Variants in CTNNA3 observed in about 807,000 individuals in gnomAD.
CTNNA3 encodes the protein catenin alpha 3.
A neutral mutation model predicts 95.7 loss-of-function variants in CTNNA3; 76 were observed. That is an observed-to-expected ratio of 0.79 (90% CI 0.66 to 0.96). The LOEUF (loss-of-function observed/expected upper bound fraction) is 0.96, where lower values mean the gene tolerates loss of function less well. Among genes scored for constraint, CTNNA3 ranks in the 40% least tolerant of loss-of-function variants. The probability of loss-of-function intolerance (pLI) is 0.00; values close to 1 mark genes in which losing one functional copy is unlikely to be tolerated. For missense variants in CTNNA3, 1,191 were observed against 1,089.8 expected, an observed-to-expected ratio of 1.09 and a Z score of -1.31; for synonymous variants, 431 against 374.4, an observed-to-expected ratio of 1.15 and a Z score of -1.74.
intron 5 of CTNNA3, among the ~76,000 whole-genome samples, chr10:67,260,668 T>C (rs1382970210): frequency 6.9e-6 from 1 of 145,240 alleles, no homozygotes; most frequent in African/African-American, 2.8e-5. Context: ...TTTCACTGTT[T>C]TGTTTTGTTT....
At chr10:66,274,401 A>G (rs772883189) in intron 13 of CTNNA3, among the ~76,000 whole-genome samples, 40 of 152,294 alleles carry the variant, frequency 2.6e-4, no homozygotes, top group Non-Finnish European at 5.4e-4. Context: ...AAAATATGCC[A>G]CCTGCTGATC....
intron 5 of CTNNA3, among the ~76,000 whole-genome samples, chr10:67,235,001 A>G (rs897061052): frequency 1.3e-5 from 2 of 149,998 alleles, no homozygotes; most frequent in Admixed American, 6.6e-5. Context: ...CCACTGCTCA[A>G]TGAAATAAAA....
chr10:66,928,417 T>A, intron 7 of CTNNA3: 1 of 1,612,966 alleles, frequency 6.2e-7, no homozygotes, highest in Non-Finnish European at 8.5e-7. Context: ...GACGGGACCC[T>A]GCACCTATAA....
At chr10:67,362,101 C>G (rs1389436592) in intron 5 of CTNNA3, among the ~76,000 whole-genome samples, 1 of 151,906 alleles carries the variant, frequency 6.6e-6, no homozygotes, top group East Asian at 1.9e-4. Context: ...TGATCAATAA[C>G]AAGTTCCAAA....
intron 7 of CTNNA3, among the ~76,000 whole-genome samples, chr10:67,100,162 C>T (rs1326085509): frequency 6.6e-6 from 1 of 151,656 alleles, no homozygotes; most frequent in Non-Finnish European, 1.5e-5. Context: ...AGGAGTCTTA[C>T]AAGTGTATGC....
chr10:65,966,201 TA>T (rs1029288148), intron 17 of CTNNA3, among the ~76,000 whole-genome samples: 2 of 152,094 alleles, frequency 1.3e-5, no homozygotes, highest in Admixed American at 1.3e-4. Context: ...TAAAAAGAAA[TA>T]GGGGGAAAAT....
At chr10:67,537,048 T>C (rs1350242647) in intron 4 of CTNNA3, among the ~76,000 whole-genome samples, 3 of 152,184 alleles carry the variant, frequency 2.0e-5, no homozygotes, top group Non-Finnish European at 4.4e-5. Flanking sequence ...AAGATGCCAC[T>C]TCCTTTTTCA....
chr10:66,428,189 AC>A (rs1407621816), intron 11 of CTNNA3, among the ~76,000 whole-genome samples: 1 of 152,212 alleles, frequency 6.6e-6, no homozygotes, highest in Non-Finnish European at 1.5e-5. Context: ...AATCAATTCA[AC>A]AAGAAGAGCT....
Position 66,913,183 on chromosome 10 carries a change from G to A in CTNNA3, c.1048-137659C>T, listed in dbSNP as rs1414295154. Among the ~76,000 whole-genome samples, 5 of 128,522 alleles carry A rather than the reference G, an allele frequency of 3.9e-5. 1 individual carries two copies. Among genetic ancestry groups the A allele is most frequent in the Admixed American group, 2.9e-4 (3 of 10,238 alleles). 84.3% of individuals were successfully genotyped at this position (128,522 alleles called of 152,430 possible). ...GAACCCGGGAGGCGGAGCTTGCAGT[G>A]AGCCGAGATCGCGCCACTGCAGTCC... On this transcript the variant is annotated intron_variant, in intron 7 of 17. Coordinates refer to ENST00000433211, the MANE Select transcript of CTNNA3 (RefSeq NM_013266.4).
At chr10:66,070,746 A>G (rs1159997519) in intron 14 of CTNNA3, among the ~76,000 whole-genome samples, 1 of 152,140 alleles carries the variant, frequency 6.6e-6, no homozygotes, top group Non-Finnish European at 1.5e-5. Context: ...AAATGACAGT[A>G]ATTGCAACTG....
At chr10:66,842,418 G>C (rs553992371) in intron 7 of CTNNA3, among the ~76,000 whole-genome samples, 1 of 152,300 alleles carries the variant, frequency 6.6e-6, no homozygotes, top group South Asian at 2.1e-4. Flanking sequence ...TAACTGCCTC[G>C]TATTGAGAAG....
At chr10:66,958,308 CAA>C (rs35076056) in intron 7 of CTNNA3, among the ~76,000 whole-genome samples, 2,304 of 86,652 alleles carry the variant, frequency 0.027, 36 homozygotes, top group African/African-American at 0.081. Context: ...TGCTTTCTTG[CAA>C]AAAAAAAAAA....
intron 9 of CTNNA3, among the ~76,000 whole-genome samples, chr10:66,659,167 A>G (rs1164861466): frequency 6.7e-6 from 1 of 148,370 alleles, no homozygotes; most frequent in African/African-American, 2.5e-5. Flanking sequence ...AGGGAGACAA[A>G]AAATAATTAA....
chr10:66,344,714 A>G (rs72802858), intron 12 of CTNNA3, among the ~76,000 whole-genome samples: 9,264 of 152,134 alleles, frequency 0.061, 449 homozygotes, highest in East Asian at 0.1. Context: ...TCTTTATGAA[A>G]GTTTATGATT....
intron 5 of CTNNA3, among the ~76,000 whole-genome samples, chr10:67,237,163 TATATATATATAC>T (rs1865521284): frequency 1.0e-5 from 1 of 97,574 alleles, no homozygotes; most frequent in South Asian, 2.9e-4. Context: ...TATATATATA[TATATATATATAC>T]ACACACAATG....
chr10:66,414,148 CA>C (rs1213710296), intron 11 of CTNNA3, among the ~76,000 whole-genome samples: 6 of 152,196 alleles, frequency 3.9e-5, no homozygotes, highest in African/African-American at 1.4e-4. Context: ...ATGTTTAAAA[CA>C]AATGCTCTGG....
At chr10:65,977,178 T>A (rs187404239) in intron 16 of CTNNA3, among the ~76,000 whole-genome samples, 1 of 151,596 alleles carries the variant, frequency 6.6e-6, no homozygotes, top group East Asian at 2.0e-4. Context: ...AACATCTACT[T>A]AGTTCCTTAA....
chr10:66,933,029 T>A (rs2132648101), intron 7 of CTNNA3, among the ~76,000 whole-genome samples: 1 of 152,340 alleles, frequency 6.6e-6, no homozygotes, highest in East Asian at 1.9e-4. Flanking sequence ...TATTGACTGC[T>A]CATGGTAATT....
chr10:66,575,178 GA>G (rs1241034598), intron 10 of CTNNA3, among the ~76,000 whole-genome samples: 2 of 152,068 alleles, frequency 1.3e-5, no homozygotes, highest in East Asian at 3.9e-4. Flanking sequence ...GGGAGGAGGG[GA>G]GAGAAAAAGG....
Sources: allele counts gnomAD v4.1 joint callset (sites outside exome capture counted in the v4.1 genomes callset), GRCh38; gene constraint gnomAD v4.1.1; transcripts MANE v1.5; gene names NCBI Gene and HGNC (gene_info 2026-07-23, HGNC 2026-07-21).